The following TMC5 variants were observed in gnomAD, a reference collection of about 807,000 sequenced individuals.
TMC5 encodes the protein transmembrane channel-like protein 5.
A neutral mutation model predicts 110.5 loss-of-function variants in TMC5; 86 were observed. The ratio of observed to expected loss-of-function variants is 0.78; its 90% confidence interval spans 0.65 to 0.93. The LOEUF is 0.93. Ranked by LOEUF, TMC5 falls within the 40% of genes least tolerant of loss-of-function variation. The pLI is 0.00. For synonymous variants in TMC5, 455 were observed against 439.5 expected, an observed-to-expected ratio of 1.04 and a Z score of -0.44; for missense variants, 1,144 against 1,222.8, an observed-to-expected ratio of 0.94 and a Z score of 0.96.
Position 19,463,262 on chromosome 16 carries a change from T to C in TMC5, c.1149-18T>C. The C allele has an allele frequency of 6.3e-7, 1 of 1,591,642 alleles. No homozygotes were observed. On this transcript the variant is annotated intron_variant, in intron 6 of 21. Coordinates refer to ENST00000542583, the MANE Select transcript of TMC5 (RefSeq NM_001261841.2). Reference sequence around the variant, plus strand: ...TGCAACATTTGTATCTCTCATTTTCTCTTGCTGTTCCCTACAGGAAAATAG... The same window carrying C: ...TGCAACATTTGTATCTCTCATTTTCCCTTGCTGTTCCCTACAGGAAAATAG...
chr16:19,463,219 T>C (rs1968073153), intron 6 of TMC5, 61 bp from the exon 7 acceptor site: 2 of 1,317,768 alleles, frequency 1.5e-6, no homozygotes, highest in African/African-American at 1.4e-5. Flanking sequence ...CATGTAACTA[T>C]TTTTTGAATG....
At chr16:19,420,359 C>T (rs568874524) in intron 1 of TMC5, among the ~76,000 whole-genome samples, 19 of 151,872 alleles carry the variant, frequency 1.3e-4, no homozygotes, top group Non-Finnish European at 2.2e-4. Context: ...ACCCACGTGG[C>T]GGAGGTTGCA....
Position 19,480,636 on chromosome 16 carries a change from C to T in TMC5, c.2268-734C>T, listed in dbSNP as rs536237570. 1.7e-3 allele frequency among the ~76,000 whole-genome samples: 265 copies of T among 152,106 alleles called. 1 individual carries two copies. The highest frequency in any genetic ancestry group is 0.013 in the South Asian group (62 of 4,816). Reference sequence around the variant, plus strand: ...CCTGGCCAACGTGGTGAAACCCTGTCTCTACTAAAAATACAAAAATTAGCC... The same window carrying T: ...CCTGGCCAACGTGGTGAAACCCTGTTTCTACTAAAAATACAAAAATTAGCC... On this transcript the variant is annotated intron_variant, in intron 14 of 21. Transcript: ENST00000542583.
rs1968078531 is a variant in TMC5, at chr16:19,463,370, A to G, written c.1236+3A>G. On this transcript the variant is annotated splice_donor_region_variant and intron_variant, in intron 7 of 21. Transcript: ENST00000542583. ...AGTGTCTGAACTCCATTTCCCGGGT[A>G]AGTCAGTAAAACAGGCACAGCAAGA... 1 of 1,608,020 alleles carries G rather than the reference A, an allele frequency of 6.2e-7. No homozygotes were observed. The highest frequency in any genetic ancestry group is 8.5e-7 in the Non-Finnish European group (1 of 1,174,434).
upstream of TMC5, among the ~76,000 whole-genome samples, chr16:19,417,308 G>A (rs2213273): frequency 0.84 from 126,545 of 150,506 alleles, 53,440 homozygotes; most frequent in African/African-American, 0.93. Flanking sequence ...GGTCCCAGCT[G>A]CTTGGGAGGC....
intron 9 of TMC5, among the ~76,000 whole-genome samples, chr16:19,468,758 A>G (rs1968250107): frequency 6.6e-6 from 1 of 152,240 alleles, no homozygotes; most frequent in African/African-American, 2.4e-5. Flanking sequence ...GGAAAAGACA[A>G]GGAAATGGAT....
At chr16:19,486,496 C>T (rs1968744596) in intron 15 of TMC5, among the ~76,000 whole-genome samples, 1 of 152,174 alleles carries the variant, frequency 6.6e-6, no homozygotes, top group African/African-American at 2.4e-5. Flanking sequence ...CCTGCCTCAG[C>T]CTCTCAAGTA....
chr16:19,426,241 C>T (rs1967086380), intron 1 of TMC5, among the ~76,000 whole-genome samples: 1 of 152,184 alleles, frequency 6.6e-6, no homozygotes. Context: ...CAAGGTGGAT[C>T]CAGAAGGAGG....
At chr16:19,417,094 C>CAAAAA (rs60613963), upstream of TMC5, among the ~76,000 whole-genome samples, 988 of 68,434 alleles carry the variant, frequency 0.014, 58 homozygotes, top group African/African-American at 0.024. Flanking sequence ...ACTCAGTCTT[C>CAAAAA]AAAAAAAAAA....
chr16:19,453,507 T>A (rs1435172857), intron 5 of TMC5, among the ~76,000 whole-genome samples: 1 of 151,642 alleles, frequency 6.6e-6, no homozygotes, highest in Non-Finnish European at 1.5e-5. Flanking sequence ...GAGAATCACT[T>A]GAACCCGGGA....
chr16:19,429,157 T>G (rs1423674719), intron 1 of TMC5, among the ~76,000 whole-genome samples: 2 of 152,182 alleles, frequency 1.3e-5, no homozygotes, highest in Non-Finnish European at 1.5e-5. Flanking sequence ...ATAGGTTTGA[T>G]CTTGCTGTCT....
intron 13 of TMC5, among the ~76,000 whole-genome samples, chr16:19,478,566 C>A (rs576210662): frequency 2.6e-5 from 4 of 151,976 alleles, no homozygotes; most frequent in South Asian, 4.2e-4. Context: ...ATTCATACAT[C>A]CATCCACTTA....
intron 5 of TMC5, among the ~76,000 whole-genome samples, chr16:19,450,755 A>G (rs1041665323): frequency 1.3e-5 from 2 of 152,182 alleles, no homozygotes; most frequent in African/African-American, 4.8e-5. Flanking sequence ...AAGGGACAAG[A>G]CTGGGTCACC....
At chr16:19,434,335 A>AATAT (rs1967282531) in intron 2 of TMC5, among the ~76,000 whole-genome samples, 1 of 125,314 alleles carries the variant, frequency 8.0e-6, no homozygotes, top group African/African-American at 3.0e-5. Flanking sequence ...ATCTATATAT[A>AATAT]ATATATATTA....
rs552962783 is a variant in TMC5 at position 19,466,332 on chromosome 16, G to GTCCTC, written c.1637+117_1637+121dup. On this transcript the variant is annotated intron_variant, in intron 9 of 21. Transcript: ENST00000542583. Reference sequence around the variant, plus strand: ...TTACCCAGGTAACAGTTTCTCTGCAGTCCTCTCCTCTCCTCTCCTCTCTTT... The same window carrying GTCCTC: ...TTACCCAGGTAACAGTTTCTCTGCAGTCCTCTCCTCTCCTCTCCTCTCCTCTCTTT... 3.3e-4 allele frequency: 412 copies of GTCCTC among 1,254,844 alleles called. 4 individuals are homozygous for GTCCTC. The highest frequency in any genetic ancestry group is 3.1e-3 in the South Asian group (224 of 72,136). 77.7% of individuals were successfully genotyped at this position (1,254,844 alleles called of 1,614,324 possible). A position where few individuals can be genotyped will look rare whatever the true frequency, so the allele number is the denominator to read the frequency against.
intron 17 of TMC5, among the ~76,000 whole-genome samples, chr16:19,488,108 C>G (rs1041501916): frequency 3.3e-5 from 5 of 151,888 alleles, no homozygotes; most frequent in Admixed American, 2.0e-4. Flanking sequence ...GGGGCGGTTG[C>G]GGGTGTGGGA....
At chr16:19,412,310 G>C (rs892440043) in intron 1 of TMC5, among the ~76,000 whole-genome samples, 2 of 151,592 alleles carry the variant, frequency 1.3e-5, no homozygotes, top group East Asian at 3.9e-4. Context: ...GGGCTCAAAA[G>C]ATCCTCCTGC....
chr16:19,460,638 T>G (rs1189155089), intron 6 of TMC5, among the ~76,000 whole-genome samples: 2 of 152,046 alleles, frequency 1.3e-5, no homozygotes, highest in African/African-American at 4.8e-5. Flanking sequence ...TGGCCAAGAC[T>G]CAAGGTTAAC....
At chr16:19,459,308 A>C in intron 5 of TMC5, among the ~76,000 whole-genome samples, 1 of 152,166 alleles carries the variant, frequency 6.6e-6, no homozygotes, top group East Asian at 1.9e-4. Flanking sequence ...ACAAGGAGGA[A>C]ATGAATTTGG....
Sources: gnomAD v4.1 joint callset for allele counts (sites outside exome capture counted in the v4.1 genomes callset) on GRCh38, gnomAD v4.1.1 for gene constraint, MANE v1.5 for transcripts, NCBI Gene and HGNC (gene_info 2026-07-23, HGNC 2026-07-21) for gene names.